The following PTCHD4 variants were observed in gnomAD, a reference collection of about 807,000 sequenced individuals.
The protein encoded by PTCHD4 is patched domain-containing protein 4.
Under a neutral mutation model 58.1 loss-of-function variants are expected in PTCHD4, and 33 were observed. That is an observed-to-expected ratio of 0.57 (90% CI 0.43 to 0.76). The LOEUF (loss-of-function observed/expected upper bound fraction) is 0.76, where lower values mean the gene tolerates loss of function less well. PTCHD4 is among the 30% of genes least tolerant of loss of function. The pLI is 0.00. For synonymous variants in PTCHD4, 478 were observed against 409.6 expected (o/e 1.17, Z -2.02); for missense variants, 1,058 against 1,027.1 (o/e 1.03, Z -0.41).
intron 4 of PTCHD4, among the ~76,000 whole-genome samples, chr6:48,007,260 A>AAT (rs1368195305): frequency 6.6e-6 from 1 of 152,184 alleles, no homozygotes; most frequent in Non-Finnish European, 1.5e-5. Flanking sequence ...AGAAAAGAAA[A>AAT]AAGAAGATGA....
At chr6:47,918,176 G>A (rs115589266) in intron 4 of PTCHD4, among the ~76,000 whole-genome samples, 1 of 152,000 alleles carries the variant, frequency 6.6e-6, no homozygotes, top group African/African-American at 2.4e-5. Flanking sequence ...AAAATTTCAT[G>A]TCTGCACCAG....
rs182052182 is a variant in PTCHD4, at chr6:47,938,486, G to A, written c.899-58550C>T. Among the ~76,000 whole-genome samples the A allele has an allele frequency of 1.3e-3, 198 of 152,292 alleles. 1 individual carries two copies. The highest frequency in any genetic ancestry group is 4.8e-3 in the South Asian group (23 of 4,824). ...GCTAAAAGGTAGATTGTGATCCTAC[G>A]GAAATTTCTTCTGAATGCTTCTGTT... On this transcript the variant is annotated intron_variant, in intron 4 of 4. Coordinates refer to ENST00000339488, the MANE Select transcript of PTCHD4 (RefSeq NM_001384253.1).
At chr6:47,985,526 T>C (rs1269942935) in intron 4 of PTCHD4, among the ~76,000 whole-genome samples, 1 of 152,138 alleles carries the variant, frequency 6.6e-6, no homozygotes, top group Non-Finnish European at 1.5e-5. Flanking sequence ...CAATTTATGA[T>C]ATAACTATTC....
At chr6:48,100,606 G>A (rs1488634927) in intron 1 of PTCHD4, among the ~76,000 whole-genome samples, 2 of 152,140 alleles carry the variant, frequency 1.3e-5, no homozygotes, top group African/African-American at 2.4e-5. Flanking sequence ...ATTCAAGTAG[G>A]AGCTGCAAGA....
At chr6:47,950,178 G>GT (rs1766588977) in intron 4 of PTCHD4, among the ~76,000 whole-genome samples, 1 of 151,940 alleles carries the variant, frequency 6.6e-6, no homozygotes, top group South Asian at 2.1e-4. Flanking sequence ...ATGGTTTCCA[G>GT]TTTCATCCAT....
intron 1 of PTCHD4, among the ~76,000 whole-genome samples, chr6:48,094,887 A>C (rs1003915471): frequency 6.6e-6 from 1 of 152,246 alleles, no homozygotes; most frequent in Non-Finnish European, 1.5e-5. Context: ...TGAGTGAAAA[A>C]TGGCAAACCA....
chr6:47,893,889 G>T (rs73736546), intron 4 of PTCHD4, among the ~76,000 whole-genome samples: 3,652 of 152,306 alleles, frequency 0.024, 140 homozygotes, highest in African/African-American at 0.083. Flanking sequence ...GATTAACAAA[G>T]GGTTTAGTTA....
At chr6:47,883,497 G>A (rs902235559) in intron 4 of PTCHD4, among the ~76,000 whole-genome samples, 2 of 152,044 alleles carry the variant, frequency 1.3e-5, no homozygotes, top group Non-Finnish European at 2.9e-5. Context: ...TCCTGCTAAT[G>A]CATTTAGAAT....
intron 3 of PTCHD4, among the ~76,000 whole-genome samples, chr6:48,038,642 G>C (rs191321560): frequency 1.0e-3 from 145 of 143,688 alleles, no homozygotes; most frequent in Non-Finnish European, 1.7e-3. Flanking sequence ...TCCAGCCTGG[G>C]CGACAAGAGT....
rs980615796 is a variant in PTCHD4 at position 47,858,545 on chromosome 6, A to AT, written c.*19757dup. On this transcript the variant is annotated 3_prime_UTR_variant, in exon 5 of 5. Transcript: ENST00000339488. ...ACCTATGTGGTATAATTAATAAAGC[A>AT]TTTTTTACCACAGATAATGGAATGC... Among the ~76,000 whole-genome samples, 4 of 152,014 alleles carry AT rather than the reference A, an allele frequency of 2.6e-5. No homozygotes were observed. Among genetic ancestry groups the AT allele is most frequent in the South Asian group, 2.1e-4 (1 of 4,830 alleles).
At chr6:48,019,361 T>C (rs140521714) in intron 3 of PTCHD4, among the ~76,000 whole-genome samples, 31 of 152,004 alleles carry the variant, frequency 2.0e-4, no homozygotes, top group African/African-American at 7.5e-4. Context: ...GATAGAGTGG[T>C]AGACAGCTAC....
chr6:47,933,117 T>C (rs1385402045), intron 4 of PTCHD4, among the ~76,000 whole-genome samples: 1 of 152,194 alleles, frequency 6.6e-6, no homozygotes, highest in Non-Finnish European at 1.5e-5. Context: ...CTGCAGGAAT[T>C]TGATATGGCT....
At chr6:48,071,239 A>C (rs1227174240) in intron 1 of PTCHD4, among the ~76,000 whole-genome samples, 1 of 152,196 alleles carries the variant, frequency 6.6e-6, no homozygotes, top group Admixed American at 6.5e-5. Flanking sequence ...TTCTTCAATA[A>C]ATTTAATAGA....
intron 1 of PTCHD4, among the ~76,000 whole-genome samples, chr6:48,086,135 T>C (rs1343195225): frequency 1.3e-5 from 2 of 151,964 alleles, no homozygotes; most frequent in Admixed American, 6.6e-5. Flanking sequence ...GCAATAAGAG[T>C]GCAAAATATG....
intron 1 of PTCHD4, among the ~76,000 whole-genome samples, chr6:48,085,912 C>T (rs1284783382): frequency 1.3e-5 from 2 of 151,886 alleles, no homozygotes; most frequent in Non-Finnish European, 2.9e-5. Flanking sequence ...GCTTAAAAAA[C>T]AAACTTTTTT....
Position 47,878,471 on chromosome 6 carries a change from A to C in PTCHD4, c.2364T>G (p.Thr788=), listed in dbSNP as rs754376319. ...AACAGTGCAGAAGTGTGCAACCCCC[A>C]GTGAGCAGCAAGCATTTGAACAGTG... ...TFTLFKCLLL[T]GGCTLLHCFV... The change falls in exon 5 of 5, where the codon ACT becomes ACG. Residue 788 remains threonine (T), a synonymous_variant. Transcript: ENST00000339488. 2 of 1,613,530 alleles carry C rather than the reference A, an allele frequency of 1.2e-6. No homozygotes were observed. Among genetic ancestry groups the C allele is most frequent in the South Asian group, 2.2e-5 (2 of 91,066 alleles).
chr6:48,081,723 G>A (rs982057896), intron 1 of PTCHD4, among the ~76,000 whole-genome samples: 1 of 152,114 alleles, frequency 6.6e-6, no homozygotes, highest in African/African-American at 2.4e-5. Context: ...ATATAGATAT[G>A]TTTTGCTATT....
chr6:48,105,748 T>TA (rs1562051784), intron 1 of PTCHD4, among the ~76,000 whole-genome samples: 1 of 151,808 alleles, frequency 6.6e-6, no homozygotes, highest in African/African-American at 2.4e-5. Context: ...AGAGACGCAA[T>TA]AAAAAATGAC....
intron 1 of PTCHD4, among the ~76,000 whole-genome samples, chr6:48,098,480 A>T (rs1765524739): frequency 6.6e-6 from 1 of 151,980 alleles, no homozygotes; most frequent in Admixed American, 6.6e-5. Context: ...CTGGGATTAC[A>T]GGTGCTCACC....
Sources: gnomAD v4.1 joint callset for allele counts (sites outside exome capture counted in the v4.1 genomes callset) on GRCh38, gnomAD v4.1.1 for gene constraint, MANE v1.5 for transcripts, NCBI Gene and HGNC (gene_info 2026-07-23, HGNC 2026-07-21) for gene names.